ZBED3: variants seen among roughly 807,000 people sequenced by gnomAD.
The protein encoded by ZBED3 is zinc finger BED domain-containing protein 3.
For synonymous variants in ZBED3, 175 were observed against 180.0 expected (o/e 0.97, Z 0.22); for missense variants, 388 against 362.9 (o/e 1.07, Z -0.56).
chr5:77,073,289 A>G lies in ZBED3; in HGVS notation c.*3885T>C, dbSNP rs1742916887. ...ATTCTAAATCCTTTCCTATGTTTTA[A>G]TGGTTCTTACAATTGGTGAGATAGA... On this transcript the variant is annotated 3_prime_UTR_variant, in exon 3 of 3. Transcript: ENST00000255198. The G allele has an allele frequency of 1.3e-5, 2 of 152,244 alleles. No individual in the cohort carries two copies. Among genetic ancestry groups the G allele is most frequent in the South Asian group, 4.1e-4 (2 of 4,826 alleles). The allele number at this position is 152,244 out of a possible 1,614,324, so 9.4% of individuals were successfully genotyped here.
At chr5:77,080,823 T>C (rs1580148147) in intron 1 of ZBED3, among the ~76,000 whole-genome samples, 4 of 152,268 alleles carry the variant, frequency 2.6e-5, no homozygotes, top group South Asian at 4.1e-4. Flanking sequence ...TTAGGAGATA[T>C]ACCTAATGTA....
chr5:77,085,372 A>C (rs1284997419), intron 1 of ZBED3, among the ~76,000 whole-genome samples: 1 of 152,248 alleles, frequency 6.6e-6, no homozygotes. Context: ...GCTTGTGCAC[A>C]TAAAAAATAT....
chr5:77,083,480 C>T (rs1286886081), intron 1 of ZBED3, among the ~76,000 whole-genome samples: 1 of 152,200 alleles, frequency 6.6e-6, no homozygotes, highest in African/African-American at 2.4e-5. Flanking sequence ...CCACCCGAGT[C>T]TCAATCTTCC....
At chr5:77,080,593 C>G (rs749211238) in intron 1 of ZBED3, 1 of 519,228 alleles carries the variant, frequency 1.9e-6, no homozygotes, top group South Asian at 1.4e-5. Context: ...TATATTCTAG[C>G]TCAATACAAT....
chr5:77,077,490 G>A lies in ZBED3; in HGVS notation c.389C>T (p.Ala130Val). 1 of 1,188,506 alleles carries A rather than the reference G, an allele frequency of 8.4e-7. No homozygotes were observed. Among genetic ancestry groups the A allele is most frequent in the Non-Finnish European group, 1.0e-6 (1 of 963,292 alleles). 73.6% of individuals were successfully genotyped at this position (1,188,506 alleles called of 1,614,324 possible). A position where few individuals can be genotyped will look rare whatever the true frequency, so the allele number is the denominator to read the frequency against. Residue 130 changes from alanine (A) to valine (V), a missense_variant, in exon 3 of 3, where the codon GCG becomes GTG. Ala to Val is a moderately conservative substitution (Grantham distance 64). Coordinates refer to ENST00000255198, the MANE Select transcript of ZBED3 (RefSeq NM_032367.4). Reference protein sequence around the residue: ...GPAAAPEGDWARLLEQMGALA... With the variant: ...GPAAAPEGDWVRLLEQMGALA... ...CGCGCCCATCTGTTCCAGCAGGCGC[G>A]CCCAGTCGCCCTCGGGGGCCGCAGC...
In ZBED3 at chr5:77,072,460, G is replaced by T. The variant is rs1422115657; in HGVS notation, c.*4714C>A. 6.6e-6 allele frequency: 1 copy of T among 152,154 alleles called. No homozygotes were observed. Among genetic ancestry groups the T allele is most frequent in the African/African-American group, 2.4e-5 (1 of 41,448 alleles). 9.4% of individuals were successfully genotyped at this position (152,154 alleles called of 1,614,324 possible). A position where few individuals can be genotyped will look rare whatever the true frequency, so the allele number is the denominator to read the frequency against. On this transcript the variant is annotated 3_prime_UTR_variant, in exon 3 of 3. Transcript: ENST00000255198. ...AAAGAGGAGTATTTGCCAACTCAAG[G>T]ATGTTTTAAAGAATGTGCTAGGGAC...
At chr5:77,080,453 C>T (rs768741305) in intron 1 of ZBED3, 13 of 502,222 alleles carry the variant, frequency 2.6e-5, no homozygotes, top group Middle Eastern at 3.3e-4. Flanking sequence ...GCCAGCACAG[C>T]GCTGCCCCTC....
rs1045178973 is a variant in ZBED3, at chr5:77,074,603, C to T, written c.*2571G>A. The T allele has an allele frequency of 2.0e-5, 3 of 152,178 alleles. No homozygotes were observed. Among genetic ancestry groups the T allele is most frequent in the Admixed American group, 2.0e-4 (3 of 15,284 alleles). 9.4% of individuals were successfully genotyped at this position (152,178 alleles called of 1,614,324 possible). On this transcript the variant is annotated 3_prime_UTR_variant, in exon 3 of 3. Coordinates refer to ENST00000255198, the MANE Select transcript of ZBED3 (RefSeq NM_032367.4). ...TATTCTTGTAAAGCATTTAGCACAG[C>T]TCTGATGACACATGGGGAATGCTCA...
At chr5:77,078,995 T>A (rs1404530104) in intron 1 of ZBED3, 1 of 152,262 alleles carries the variant, frequency 6.6e-6, no homozygotes, top group Non-Finnish European at 1.5e-5. Context: ...ACGTCTTGCT[T>A]TGTTCAACAC....
At position 77,075,961 on chromosome 5, in the gene ZBED3, ATATATGTATATGTATATATG is replaced by A. The variant is rs1179626439; in HGVS notation, c.*1193_*1212del. 0.017 allele frequency: 517 copies of A among 29,796 alleles called. 135 individuals are homozygous for A. Among genetic ancestry groups the A allele is most frequent in the Admixed American group, 0.033 (73 of 2,214 alleles). 1.8% of individuals were successfully genotyped at this position (29,796 alleles called of 1,614,324 possible). ...TATATATACATATATATATATATAT[ATATATGTATATGTATATATG>A]TATATATATATGTATATATGTATAT... is the stretch of plus-strand genomic sequence containing the variant. On this transcript the variant is annotated 3_prime_UTR_variant, in exon 3 of 3. Transcript: ENST00000255198.
At chr5:77,077,943 A>AGTTAG in intron 2 of ZBED3, 48 bp from the exon 3 acceptor site, 1 of 1,199,364 alleles carries the variant, frequency 8.3e-7, no homozygotes, top group African/African-American at 1.6e-5. Context: ...TCACGCACAC[A>AGTTAG]GCTCCTAGAC....
chr5:77,074,109 G>C lies in ZBED3; in HGVS notation c.*3065C>G, dbSNP rs2150738935. 1 of 152,372 alleles carries C rather than the reference G, an allele frequency of 6.6e-6. No homozygotes were observed. Among genetic ancestry groups the C allele is most frequent in the South Asian group, 2.1e-4 (1 of 4,828 alleles). The allele number at this position is 152,372 out of a possible 1,614,324, so 9.4% of individuals were successfully genotyped here. On this transcript the variant is annotated 3_prime_UTR_variant, in exon 3 of 3. Transcript: ENST00000255198. ...TGCCAATACCAGGTCTTGTCAGGAA[G>C]AACAGAGTCCAATTTGGCTGCAGGA...
chr5:77,084,167 C>T (rs1352441147), intron 1 of ZBED3, among the ~76,000 whole-genome samples: 1 of 152,212 alleles, frequency 6.6e-6, no homozygotes, highest in Non-Finnish European at 1.5e-5. Context: ...TCTTTGCCCT[C>T]AGGAAGCGTA....
chr5:77,082,268 G>GA (rs35181696), intron 1 of ZBED3, among the ~76,000 whole-genome samples: 519 of 123,792 alleles, frequency 4.2e-3, no homozygotes, highest in Non-Finnish European at 5.3e-3. Flanking sequence ...ATGCTGTATT[G>GA]AAAAAAAAAA....
At position 77,077,236 on chromosome 5, in the gene ZBED3, G is replaced by T. The variant is rs1194630385; in HGVS notation, c.643C>A (p.Pro215Thr). 2 of 1,485,904 alleles carry T rather than the reference G, an allele frequency of 1.3e-6. No individual in the cohort carries two copies. The highest frequency in any genetic ancestry group is 1.3e-5 in the South Asian group (1 of 78,658). The allele number at this position is 1,485,904 out of a possible 1,614,324, so 92.0% of individuals were successfully genotyped here. A position where few individuals can be genotyped will look rare whatever the true frequency, so the allele number is the denominator to read the frequency against. Residue 215 changes from proline to threonine, a missense_variant, in exon 3 of 3, where the codon CCG becomes ACG. Coordinates refer to ENST00000255198, the MANE Select transcript of ZBED3 (RefSeq NM_032367.4). ...ALGWAPAAPPPLKDDPEGDRD... is the reference protein window; with the variant it reads ...ALGWAPAAPPTLKDDPEGDRD... ...TCACCCTCGGGGTCGTCCTTGAGCG[G>T]CGGCGGCGCAGCGGGGGCCCAGCCC... is the stretch of plus-strand genomic sequence containing the variant.
intron 1 of ZBED3, among the ~76,000 whole-genome samples, chr5:77,079,856 A>G (rs764438615): frequency 3.3e-5 from 5 of 152,268 alleles, no homozygotes; most frequent in Non-Finnish European, 5.9e-5. Context: ...TTATGGTTAT[A>G]TAACATTATG....
Position 77,077,129 on chromosome 5 carries a change from T to C in ZBED3, c.*45A>G. ...CCAGCGGGGTCTGAAGGCATTGGCATTGGACGGAGAAGCGCTGTCCTGGGG... is the reference window on the plus strand; with the variant it reads ...CCAGCGGGGTCTGAAGGCATTGGCACTGGACGGAGAAGCGCTGTCCTGGGG... On this transcript the variant is annotated 3_prime_UTR_variant, in exon 3 of 3. Transcript: ENST00000255198. 1 of 1,318,120 alleles carries C rather than the reference T, an allele frequency of 7.6e-7. No individual in the cohort carries two copies. Among genetic ancestry groups the C allele is most frequent in the Non-Finnish European group, 9.7e-7 (1 of 1,029,000 alleles). The allele number at this position is 1,318,120 out of a possible 1,614,324, so 81.7% of individuals were successfully genotyped here.
In ZBED3 at chr5:77,077,394, C is replaced by T; in HGVS notation, c.485G>A (p.Arg162His). ...CGCCCTCCGCCTCCGCTCCAGGGCGCGCTCGCCCTGCTCCACGGCCAGCTC... is the reference window on the plus strand; with the variant it reads ...CGCCCTCCGCCTCCGCTCCAGGGCGTGCTCGCCCTGCTCCACGGCCAGCTC... ...RRELAVEQGE[R>H]ALERRRRALQ... The change falls in exon 3 of 3, where the codon CGC becomes CAC. Residue 162 changes from arginine (R) to histidine (H), a missense_variant. Arg to His is a conservative substitution (Grantham distance 29). Transcript: ENST00000255198. 8.0e-7 allele frequency: 1 copy of T among 1,253,038 alleles called. No homozygotes were observed. Among genetic ancestry groups the T allele is most frequent in the Middle Eastern group, 3.2e-4 (1 of 3,168 alleles). The allele number at this position is 1,253,038 out of a possible 1,614,324, so 77.6% of individuals were successfully genotyped here.
intron 1 of ZBED3, among the ~76,000 whole-genome samples, chr5:77,079,618 C>T (rs1743090861): frequency 6.6e-6 from 1 of 152,112 alleles, no homozygotes; most frequent in South Asian, 2.1e-4. Context: ...AAGTACCATG[C>T]GTCTTCTAAC....
Sources: gnomAD v4.1 joint callset for allele counts (sites outside exome capture counted in the v4.1 genomes callset) on GRCh38, gnomAD v4.1.1 for gene constraint, MANE v1.5 for transcripts, NCBI Gene and HGNC (gene_info 2026-07-23, HGNC 2026-07-21) for gene names.